NOS1: variants seen among roughly 807,000 people sequenced by gnomAD.
The protein encoded by NOS1 is nitric oxide synthase 1, also known as NOS type I.
In NOS1, 51 loss-of-function variants were observed where a neutral mutation model predicts 164.5. The observed-to-expected ratio is 0.31, with a 90% CI of 0.25 to 0.39. NOS1 has a LOEUF of 0.39. Among genes scored for constraint, NOS1 ranks in the 10% least tolerant of loss-of-function variants. NOS1 has a pLI of 1.00. For synonymous variants in NOS1, 719 were observed against 745.8 expected, an observed-to-expected ratio of 0.96 and a Z score of 0.59; for missense variants, 1,362 against 1,885.6, an observed-to-expected ratio of 0.72 and a Z score of 5.14.
chr12:117,210,135 G>C lies in NOS1; in HGVS notation c.*5174C>G. 4.5e-6 allele frequency: 2 copies of C among 443,492 alleles called. No individual in the cohort carries two copies. The highest frequency in any genetic ancestry group is 5.7e-6 in the Non-Finnish European group (2 of 348,146). The allele number at this position is 443,492 out of a possible 1,614,324, so 27.5% of individuals were successfully genotyped here. ...CCACAGGAGCATGCCATCATGCCCAGCTAATTTTTTTTTTTTTTTTTTTTT... is the reference window on the plus strand; with the variant it reads ...CCACAGGAGCATGCCATCATGCCCACCTAATTTTTTTTTTTTTTTTTTTTT... On this transcript the variant is annotated 3_prime_UTR_variant, in exon 29 of 29. Coordinates refer to ENST00000317775, the MANE Select transcript of NOS1 (RefSeq NM_000620.5).
intron 1 of NOS1, among the ~76,000 whole-genome samples, chr12:117,340,457 G>A (rs1876044106): frequency 6.6e-6 from 1 of 152,122 alleles, no homozygotes. Context: ...ATTAAATAGG[G>A]GTGATAATAG....
chr12:117,281,605 G>A (rs186519210), intron 7 of NOS1, among the ~76,000 whole-genome samples: 186 of 150,998 alleles, frequency 1.2e-3, no homozygotes, highest in African/African-American at 4.3e-3. Flanking sequence ...GGAGGCCAAG[G>A]CAGGCGGATC....
At chr12:117,325,993 C>A (rs1875225858) in intron 2 of NOS1, among the ~76,000 whole-genome samples, 1 of 152,196 alleles carries the variant, frequency 6.6e-6, no homozygotes, top group Non-Finnish European at 1.5e-5. Flanking sequence ...GCACTTCTAA[C>A]TGGATCCATG....
At chr12:117,313,123 C>T (rs141755727) in intron 2 of NOS1, among the ~76,000 whole-genome samples, 10 of 152,254 alleles carry the variant, frequency 6.6e-5, no homozygotes, top group Non-Finnish European at 1.5e-4. Context: ...TCACCATTGT[C>T]ACCATCTTCT....
chr12:117,355,607 G>A (rs1434840634), intron 1 of NOS1, among the ~76,000 whole-genome samples: 1 of 152,024 alleles, frequency 6.6e-6, no homozygotes, highest in Admixed American at 6.5e-5. Flanking sequence ...CCCTCTGCCA[G>A]ACTAACAGAA....
chr12:117,273,439 C>G (rs1390738117), intron 9 of NOS1, among the ~76,000 whole-genome samples: 1 of 152,110 alleles, frequency 6.6e-6, no homozygotes. Flanking sequence ...TAGGGTGAGG[C>G]AGGTGTGGCA....
chr12:117,304,885 G>A, intron 3 of NOS1: 1 of 438,310 alleles, frequency 2.3e-6, no homozygotes, highest in Non-Finnish European at 3.0e-6. Flanking sequence ...TTCCCAAGGG[G>A]TCAGACCTCA....
chr12:117,324,904 G>T (rs1173426091), intron 2 of NOS1, among the ~76,000 whole-genome samples: 1 of 152,164 alleles, frequency 6.6e-6, no homozygotes, highest in Non-Finnish European at 1.5e-5. Flanking sequence ...CCACGTAAGT[G>T]CCACCATCCT....
At chr12:117,285,598 T>G (rs1874054938) in intron 6 of NOS1, among the ~76,000 whole-genome samples, 1 of 150,050 alleles carries the variant, frequency 6.7e-6, no homozygotes, top group African/African-American at 2.4e-5. Flanking sequence ...GAATGGCAAA[T>G]GAAGGAGGGG....
chr12:117,329,345 G>T (rs1035853542), intron 2 of NOS1, among the ~76,000 whole-genome samples: 1 of 152,194 alleles, frequency 6.6e-6, no homozygotes, highest in South Asian at 2.1e-4. Context: ...CAGATTGTGG[G>T]GGGCGGAATG....
At chr12:117,337,479 A>C (rs1442822524) in intron 1 of NOS1, among the ~76,000 whole-genome samples, 1 of 152,086 alleles carries the variant, frequency 6.6e-6, no homozygotes, top group Non-Finnish European at 1.5e-5. Context: ...CTTGCATTAT[A>C]TTGCCATTGG....
At chr12:117,341,654 C>T (rs1325339759) in intron 1 of NOS1, among the ~76,000 whole-genome samples, 1 of 152,154 alleles carries the variant, frequency 6.6e-6, no homozygotes, top group Non-Finnish European at 1.5e-5. Context: ...ACTTCTGCCT[C>T]CCACCCTTGC....
In NOS1 at chr12:117,228,078, G is replaced by T. The variant is rs554570748; in HGVS notation, c.3406-437C>A. ...GAGAAAGAAAGGAACAAAGAAGGAA[G>T]GAAGGAGAAGGAAAGAAAGAAAAAG... On this transcript the variant is annotated intron_variant, in intron 22 of 28. Transcript: ENST00000317775. Among the ~76,000 whole-genome samples, 8 of 150,594 alleles carry T rather than the reference G, an allele frequency of 5.3e-5. No individual in the cohort carries two copies. In the South Asian group the frequency reaches 1.5e-3, roughly 28 times the overall value.
chr12:117,353,313 T>C (rs962938601), intron 1 of NOS1, among the ~76,000 whole-genome samples: 14 of 152,184 alleles, frequency 9.2e-5, no homozygotes, highest in African/African-American at 3.1e-4. Flanking sequence ...CTATCATCTA[T>C]CTACCTACCT....
intron 7 of NOS1, among the ~76,000 whole-genome samples, chr12:117,282,458 C>T (rs1873751315): frequency 1.3e-5 from 2 of 152,170 alleles, no homozygotes; most frequent in African/African-American, 4.8e-5. Context: ...CTGGAATCCC[C>T]CTCTTCCATT....
At chr12:117,296,513 C>T (rs1668100090) in intron 3 of NOS1, among the ~76,000 whole-genome samples, 1 of 152,182 alleles carries the variant, frequency 6.6e-6, no homozygotes, top group African/African-American at 2.4e-5. Flanking sequence ...TTCTCCCGTG[C>T]TGGATGCTTC....
intron 26 of NOS1, among the ~76,000 whole-genome samples, chr12:117,221,450 A>ACTTAAATT (rs1956704041): frequency 6.6e-6 from 1 of 150,984 alleles, no homozygotes; most frequent in Admixed American, 6.6e-5. Flanking sequence ...CGCCCAGCTA[A>ACTTAAATT]TTTTTATATT....
intron 2 of NOS1, among the ~76,000 whole-genome samples, chr12:117,312,328 CAA>C (rs1379140951): frequency 1.3e-5 from 2 of 152,308 alleles, no homozygotes; most frequent in East Asian, 3.9e-4. Flanking sequence ...CTCAGCTTCC[CAA>C]AGTGCTGGGA....
intron 26 of NOS1, among the ~76,000 whole-genome samples, chr12:117,221,985 G>A (rs886384966): frequency 1.3e-5 from 2 of 151,894 alleles, no homozygotes; most frequent in Non-Finnish European, 2.9e-5. Flanking sequence ...TGGTAAAAAC[G>A]TCATGTAACA....
Sources: gnomAD v4.1 joint callset for allele counts (sites outside exome capture counted in the v4.1 genomes callset) on GRCh38, gnomAD v4.1.1 for gene constraint, MANE v1.5 for transcripts, NCBI Gene and HGNC (gene_info 2026-07-23, HGNC 2026-07-21) for gene names.